The following CADM2 variants were observed in gnomAD, a reference collection of about 807,000 sequenced individuals.
CADM2 encodes immunoglobulin superfamily member 4D.
In CADM2, 12 loss-of-function variants were observed where a neutral mutation model predicts 49.8. That is an observed-to-expected ratio of 0.24 (90% CI 0.15 to 0.39). The LOEUF is 0.39. Ranked by LOEUF, CADM2 falls within the 10% of genes least tolerant of loss-of-function variation. CADM2 has a pLI of 1.00. For synonymous variants in CADM2, 214 were observed against 175.4 expected, an observed-to-expected ratio of 1.22 and a Z score of -1.74; for missense variants, 378 against 492.3, an observed-to-expected ratio of 0.77 and a Z score of 2.20.
chr3:85,291,896 C>A (rs984395868), intron 1 of CADM2, among the ~76,000 whole-genome samples: 2 of 150,726 alleles, frequency 1.3e-5, no homozygotes, highest in East Asian at 2.0e-4. Flanking sequence ...AGCAAAATAA[C>A]CAGCTAACAT....
intron 1 of CADM2, among the ~76,000 whole-genome samples, chr3:84,987,256 G>T (rs73843253): frequency 0.021 from 3,171 of 151,874 alleles, 125 homozygotes; most frequent in African/African-American, 0.072. Context: ...CCTCTTTTAG[G>T]TGGTGTCTTC....
At chr3:85,592,008 T>C (rs1287700846) in intron 1 of CADM2, among the ~76,000 whole-genome samples, 1 of 151,912 alleles carries the variant, frequency 6.6e-6, no homozygotes, top group African/African-American at 2.4e-5. Context: ...TTATAATGTA[T>C]AGAAAGACTT....
intron 1 of CADM2, among the ~76,000 whole-genome samples, chr3:85,184,399 C>T (rs1465437882): frequency 1.3e-5 from 2 of 152,066 alleles, no homozygotes; most frequent in East Asian, 1.9e-4. Flanking sequence ...TGAGAAATGA[C>T]CTAATACTTA....
intron 2 of CADM2, among the ~76,000 whole-genome samples, chr3:85,741,380 G>C (rs2068377447): frequency 6.6e-6 from 1 of 151,934 alleles, no homozygotes; most frequent in Non-Finnish European, 1.5e-5. Flanking sequence ...CAAATAAAAA[G>C]TTGTCTCAGC....
At chr3:85,518,991 A>C (rs943688022) in intron 1 of CADM2, among the ~76,000 whole-genome samples, 1 of 152,186 alleles carries the variant, frequency 6.6e-6, no homozygotes, top group African/African-American at 2.4e-5. Context: ...AGAAAGTTAT[A>C]CTATATTTTT....
intron 1 of CADM2, among the ~76,000 whole-genome samples, chr3:85,215,841 A>G (rs549651584): frequency 1.3e-5 from 2 of 152,002 alleles, no homozygotes; most frequent in South Asian, 2.1e-4. Context: ...TTTCTGCTGT[A>G]ATGGGGCAAC....
chr3:85,156,246 AAG>A (rs1291306836), intron 1 of CADM2, among the ~76,000 whole-genome samples: 6 of 152,092 alleles, frequency 3.9e-5, no homozygotes, highest in Non-Finnish European at 5.9e-5. Context: ...TAAAGAAAAA[AAG>A]AGAGAAGAAT....
At chr3:85,472,915 G>A (rs186242589) in intron 1 of CADM2, among the ~76,000 whole-genome samples, 30 of 152,112 alleles carry the variant, frequency 2.0e-4, no homozygotes, top group African/African-American at 6.7e-4. Flanking sequence ...ATCACAATAC[G>A]TGTAGTCCCT....
intron 7 of CADM2, among the ~76,000 whole-genome samples, chr3:85,950,532 A>C (rs1723304329): frequency 6.6e-6 from 1 of 151,124 alleles, no homozygotes; most frequent in African/African-American, 2.4e-5. Flanking sequence ...ACACTACCTT[A>C]TCAGTAAAAA....
intron 1 of CADM2, among the ~76,000 whole-genome samples, chr3:85,042,323 A>T (rs2035474755): frequency 6.6e-6 from 1 of 152,130 alleles, no homozygotes; most frequent in African/African-American, 2.4e-5. Context: ...GTTGGTTTCA[A>T]CGTTATGTTT....
chr3:85,738,075 C>T (rs193198266), intron 2 of CADM2, among the ~76,000 whole-genome samples: 3 of 152,232 alleles, frequency 2.0e-5, no homozygotes, highest in East Asian at 3.9e-4. Context: ...GAAGTCATTA[C>T]CTTACACCTC....
At chr3:85,582,126 A>G (rs142767173) in intron 1 of CADM2, among the ~76,000 whole-genome samples, 8 of 152,064 alleles carry the variant, frequency 5.3e-5, no homozygotes, top group Non-Finnish European at 7.4e-5. Flanking sequence ...GGGTTTCACC[A>G]TGTTGGCCAG....
At chr3:85,034,861 G>C (rs1316201043) in intron 1 of CADM2, among the ~76,000 whole-genome samples, 1 of 145,234 alleles carries the variant, frequency 6.9e-6, no homozygotes, top group Non-Finnish European at 1.5e-5. Context: ...TGTAGTGCAG[G>C]GCACGATTTT....
At chr3:85,617,190 C>T (rs1389681438) in intron 1 of CADM2, among the ~76,000 whole-genome samples, 1 of 152,086 alleles carries the variant, frequency 6.6e-6, no homozygotes, top group African/African-American at 2.4e-5. Context: ...AGCCTCCCCA[C>T]CCCTTCCGAC....
At chr3:85,530,049 G>A (rs1413624699) in intron 1 of CADM2, among the ~76,000 whole-genome samples, 2 of 151,864 alleles carry the variant, frequency 1.3e-5, no homozygotes, top group Admixed American at 6.6e-5. Flanking sequence ...CCCCATAATC[G>A]CCATGTGCCA....
intron 8 of CADM2, among the ~76,000 whole-genome samples, chr3:85,975,984 C>T (rs1025619850): frequency 2.6e-5 from 4 of 151,478 alleles, no homozygotes; most frequent in African/African-American, 4.8e-5. Flanking sequence ...CACTCTGACA[C>T]TGCCATGTCA....
intron 1 of CADM2, among the ~76,000 whole-genome samples, chr3:85,313,712 C>G (rs1185847831): frequency 6.6e-6 from 1 of 152,086 alleles, no homozygotes; most frequent in Non-Finnish European, 1.5e-5. Flanking sequence ...TACATTAGCC[C>G]TCATGTTCTG....
At chr3:85,022,980 C>T (rs2107298183) in intron 1 of CADM2, among the ~76,000 whole-genome samples, 1 of 152,050 alleles carries the variant, frequency 6.6e-6, no homozygotes, top group East Asian at 1.9e-4. Context: ...TATAGTTATG[C>T]TTCTAATTTT....
chr3:85,966,670 G>A (rs1377755709), intron 8 of CADM2, among the ~76,000 whole-genome samples: 5 of 151,540 alleles, frequency 3.3e-5, no homozygotes, highest in Non-Finnish European at 5.9e-5. Flanking sequence ...ATACTATATA[G>A]TAAGTTAGAA....
Sources: allele counts gnomAD v4.1 joint callset (sites outside exome capture counted in the v4.1 genomes callset), GRCh38; gene constraint gnomAD v4.1.1; transcripts MANE v1.5; gene names NCBI Gene and HGNC (gene_info 2026-07-23, HGNC 2026-07-21).